CTDSPL: variants seen among roughly 807,000 people sequenced by gnomAD.
The protein encoded by CTDSPL is CTD small phosphatase like, also known as CTD small phosphatase-like protein.
Under a neutral mutation model 30.5 loss-of-function variants are expected in CTDSPL, and 8 were observed. The ratio of observed to expected loss-of-function variants is 0.26; its 90% CI spans 0.15 to 0.47. The LOEUF is 0.47. CTDSPL is among the 20% of genes least tolerant of loss of function. CTDSPL has a pLI of 0.99. For synonymous variants in CTDSPL, 110 were observed against 137.9 expected (o/e 0.80, Z 1.42); for missense variants, 248 against 366.1 (o/e 0.68, Z 2.63).
In CTDSPL at chr3:37,975,726, T is replaced by C. The variant is rs201034767; in HGVS notation, c.537T>C (p.Ala179=). ...TTTTCCAGTATGCAGACCCTGTGGC[T>C]GACCTCCTAGACCGCTGGGGTGTGT... ...ASLAKYADPV[A]DLLDRWGVFR... The change falls in exon 7 of 8, where the codon GCT becomes GCC. Residue 179 remains alanine (A), a synonymous_variant. Coordinates refer to ENST00000273179, the MANE Select transcript of CTDSPL (RefSeq NM_001008392.2). The surrounding 1 kb of genome is among the most constrained non-coding windows in gnomAD (Gnocchi z 4.9). 6.2e-7 allele frequency: 1 copy of C among 1,613,830 alleles called. No homozygotes were observed. Among genetic ancestry groups the C allele is most frequent in the Admixed American group, 1.7e-5 (1 of 60,012 alleles).
At chr3:37,882,288 A>C (rs1258459027) in intron 1 of CTDSPL, among the ~76,000 whole-genome samples, 1 of 152,048 alleles carries the variant, frequency 6.6e-6, no homozygotes, top group East Asian at 1.9e-4. Flanking sequence ...TAAAAATACA[A>C]AAAATTAGCC....
At chr3:37,925,601 C>A (rs1698772584) in intron 1 of CTDSPL, among the ~76,000 whole-genome samples, 1 of 152,166 alleles carries the variant, frequency 6.6e-6, no homozygotes, top group South Asian at 2.1e-4. Flanking sequence ...TAATACTCTG[C>A]TGTTACCATC....
At chr3:37,866,456 A>C (rs541831290) in intron 1 of CTDSPL, among the ~76,000 whole-genome samples, 1 of 152,188 alleles carries the variant, frequency 6.6e-6, no homozygotes, top group Non-Finnish European at 1.5e-5. Context: ...GGGAGAGGAA[A>C]CTTTGCCTTT....
chr3:37,973,923 A>G (rs1377740001), intron 6 of CTDSPL, among the ~76,000 whole-genome samples: 1 of 152,254 alleles, frequency 6.6e-6, no homozygotes, highest in African/African-American at 2.4e-5. Flanking sequence ...TTATGAGGAA[A>G]TAGATCATCT....
At chr3:37,891,712 G>A (rs1253214353) in intron 1 of CTDSPL, among the ~76,000 whole-genome samples, 1 of 152,188 alleles carries the variant, frequency 6.6e-6, no homozygotes, top group Non-Finnish European at 1.5e-5. Flanking sequence ...TATAGAAGCA[G>A]TACATGCTTG....
At chr3:37,932,515 A>G (rs965757888) in intron 1 of CTDSPL, among the ~76,000 whole-genome samples, 2 of 152,266 alleles carry the variant, frequency 1.3e-5, no homozygotes, top group African/African-American at 4.8e-5. Context: ...CAAAAAAAGT[A>G]TATAAGCAGA....
rs997298862 is a variant in CTDSPL, at chr3:37,975,552, A to G, written c.520-157A>G. 1.3e-5 allele frequency among the ~76,000 whole-genome samples: 2 copies of G among 152,250 alleles called. No homozygotes were observed. Among genetic ancestry groups the G allele is most frequent in the Non-Finnish European group, 2.9e-5 (2 of 68,036 alleles). On this transcript the variant is annotated intron_variant, in intron 6 of 7. Transcript: ENST00000273179. The surrounding 1 kb of genome is among the most constrained non-coding windows in gnomAD (Gnocchi z 4.9). ...GAGAGAAATGGAAGAATCCAGTGCC[A>G]TCTTATGTACACGGAGAGGAAAATA...
Position 37,973,854 on chromosome 3 carries a change from C to T in CTDSPL, c.520-1855C>T, listed in dbSNP as rs529265161. Among the ~76,000 whole-genome samples the T allele has an allele frequency of 6.6e-5, 10 of 152,360 alleles. 1 individual carries two copies. The East Asian group carries it at 7.7e-4, about 12-fold the overall frequency. On this transcript the variant is annotated intron_variant, in intron 6 of 7. Transcript: ENST00000273179. ...CATTCTTCACATTCATTCTCTAAGG[C>T]CTGGAGGCCTCAGACTCAGACACTC...
chr3:37,962,496 T>C (rs1351674936), intron 3 of CTDSPL, among the ~76,000 whole-genome samples: 1 of 152,244 alleles, frequency 6.6e-6, no homozygotes, highest in East Asian at 1.9e-4. Flanking sequence ...CTGTTAACTT[T>C]TCTCTCTTAG....
chr3:37,978,779 G>A (rs1454889739), intron 7 of CTDSPL, among the ~76,000 whole-genome samples: 1 of 152,122 alleles, frequency 6.6e-6, no homozygotes, highest in African/African-American at 2.4e-5. Context: ...ATGGTGCCTG[G>A]TCCCTATTAG....
At chr3:37,866,947 C>T (rs1016186709) in intron 1 of CTDSPL, among the ~76,000 whole-genome samples, 3 of 152,156 alleles carry the variant, frequency 2.0e-5, no homozygotes, top group Non-Finnish European at 2.9e-5. Flanking sequence ...TAAGAAGTCA[C>T]AGAGACTTTC....
chr3:37,960,578 A>ACACACACACAC (rs1699234092), intron 3 of CTDSPL, among the ~76,000 whole-genome samples: 2 of 126,460 alleles, frequency 1.6e-5, no homozygotes, highest in Non-Finnish European at 3.3e-5. Flanking sequence ...ACACACACAC[A>ACACACACACAC]ATTAGCTGGG....
chr3:37,927,559 G>A (rs1430514990), intron 1 of CTDSPL, among the ~76,000 whole-genome samples: 1 of 151,674 alleles, frequency 6.6e-6, no homozygotes, highest in Non-Finnish European at 1.5e-5. Flanking sequence ...GAGTACAGCA[G>A]GCATTCCGTC....
At chr3:37,957,904 A>C (rs1224663683) in intron 3 of CTDSPL, among the ~76,000 whole-genome samples, 1 of 152,196 alleles carries the variant, frequency 6.6e-6, no homozygotes, top group Non-Finnish European at 1.5e-5. Context: ...TCCCAAAAGA[A>C]ATTTACAGTT....
At chr3:37,884,083 A>G in intron 1 of CTDSPL, among the ~76,000 whole-genome samples, 1 of 152,220 alleles carries the variant, frequency 6.6e-6, no homozygotes, top group Non-Finnish European at 1.5e-5. Context: ...ATGTTAGTAT[A>G]TTTCATCCAA....
intron 1 of CTDSPL, among the ~76,000 whole-genome samples, chr3:37,890,126 A>G (rs756052208): frequency 8.5e-5 from 13 of 152,248 alleles, no homozygotes; most frequent in Non-Finnish European, 1.9e-4. Context: ...GGAATTCCCA[A>G]ATGATCTGAT....
Position 37,862,607 on chromosome 3 carries a change from G to A in CTDSPL, c.79+329G>A, listed in dbSNP as rs1697956528. Among the ~76,000 whole-genome samples the A allele has an allele frequency of 6.6e-6, 1 of 152,248 alleles. No homozygotes were observed. Among genetic ancestry groups the A allele is most frequent in the African/African-American group, 2.4e-5 (1 of 41,468 alleles). On this transcript the variant is annotated intron_variant, in intron 1 of 7. Transcript: ENST00000273179. This position sits in a 1 kb window ranked among gnomAD's most constrained non-coding sequence, Gnocchi z 4.3. ...ACAGAGGTTCTAAGTGTGTGCACTTGTATGTGTGTGTGCACACGCGGACAG... is the reference window on the plus strand; with the variant it reads ...ACAGAGGTTCTAAGTGTGTGCACTTATATGTGTGTGTGCACACGCGGACAG...
chr3:37,921,119 C>T (rs1698708212), intron 1 of CTDSPL, among the ~76,000 whole-genome samples: 1 of 152,220 alleles, frequency 6.6e-6, no homozygotes, highest in Non-Finnish European at 1.5e-5. Context: ...TGACAGTTTT[C>T]CTAGTACTTT....
chr3:37,900,434 A>G (rs1698436080), intron 1 of CTDSPL, among the ~76,000 whole-genome samples: 1 of 152,242 alleles, frequency 6.6e-6, no homozygotes, highest in African/African-American at 2.4e-5. Context: ...ACATTTTGAC[A>G]GTGAAGAAAA....
Sources: allele counts gnomAD v4.1 joint callset (sites outside exome capture counted in the v4.1 genomes callset), GRCh38; gene constraint gnomAD v4.1.1; non-coding constraint Gnocchi (gnomAD v3.1); transcripts MANE v1.5; gene names NCBI Gene and HGNC (gene_info 2026-07-23, HGNC 2026-07-21).